Variants in ABCA1 observed in about 807,000 individuals in gnomAD.
ABCA1 encodes the protein phospholipid-transporting ATPase ABCA1.
A neutral mutation model predicts 262.5 loss-of-function variants in ABCA1; 133 were observed. That is an observed-to-expected ratio of 0.51 (90% confidence interval 0.44 to 0.59). The LOEUF (loss-of-function observed/expected upper bound fraction) is 0.59. Ranked by LOEUF, ABCA1 falls within the 20% of genes least tolerant of loss-of-function variation. The pLI, the probability that ABCA1 is intolerant of heterozygous loss-of-function variation, is 0.00. For synonymous variants in ABCA1, 1,022 were observed against 1,043.5 expected, an observed-to-expected ratio of 0.98 and a Z score of 0.40; for missense variants, 2,452 against 2,777.5, an observed-to-expected ratio of 0.88 and a Z score of 2.63.
intron 44 of ABCA1, 49 bp downstream of exon 44, chr9:104,790,873 A>G (rs372344587): frequency 1.9e-5 from 25 of 1,282,704 alleles, no homozygotes; most frequent in Non-Finnish European, 2.8e-5. Context: ...CTTTAAATAA[A>G]TTAAAAACAA....
intron 7 of ABCA1, among the ~76,000 whole-genome samples, chr9:104,854,978 G>A (rs1479128386): frequency 6.6e-6 from 1 of 152,158 alleles, no homozygotes; most frequent in Non-Finnish European, 1.5e-5. Flanking sequence ...AACACCTAAT[G>A]GAAACTGCTC....
At chr9:104,851,358 G>A (rs543037171) in intron 7 of ABCA1, among the ~76,000 whole-genome samples, 2 of 152,222 alleles carry the variant, frequency 1.3e-5, no homozygotes, top group South Asian at 4.1e-4. Context: ...ACCTGCCTCA[G>A]CCGACCTTTG....
chr9:104,820,183 A>G (rs1422918093), intron 20 of ABCA1, 114 bp from the exon 21 acceptor site: 2 of 1,330,282 alleles, frequency 1.5e-6, no homozygotes, highest in East Asian at 4.7e-5. Context: ...GTGCTTTTTA[A>G]AATAACTTTA....
intron 24 of ABCA1, among the ~76,000 whole-genome samples, chr9:104,816,785 G>T (rs1310174753): frequency 6.6e-6 from 1 of 152,104 alleles, no homozygotes; most frequent in African/African-American, 2.4e-5. Flanking sequence ...TTATAAAGTA[G>T]GTTCCCTCAT....
intron 7 of ABCA1, among the ~76,000 whole-genome samples, chr9:104,847,837 T>C (rs1176618908): frequency 6.6e-6 from 1 of 152,250 alleles, no homozygotes; most frequent in Non-Finnish European, 1.5e-5. Context: ...ACTAAGTGGA[T>C]GAAATATACA....
intron 10 of ABCA1, 48 bp downstream of exon 10, chr9:104,837,380 G>GTTCTGGGGAGA: frequency 1.2e-6 from 2 of 1,613,274 alleles, no homozygotes; most frequent in Non-Finnish European, 1.7e-6. Context: ...TTTGCCCCCA[G>GTTCTGGGGAGA]TTCTGGGGAG....
rs1480322697 is a variant in ABCA1, at chr9:104,831,043, C to A, written c.1774G>T (p.Gly592Cys). Residue 592 changes from glycine to cysteine, a missense_variant, in exon 14 of 50, where the codon GGC becomes TGC. Gly to Cys is a radical substitution (Grantham distance 159). This residue lies in a region of ABCA1 where 1,032 missense variants were observed against 1,089.7 expected (regional missense o/e 0.95). Transcript: ENST00000374736. ...PFEDMRYVWGGFAYLQDVVEQ... is the reference protein window; with the variant it reads ...PFEDMRYVWGCFAYLQDVVEQ... The stretch of plus-strand genomic sequence containing the variant: ...ACCACATCCTGCAAGTAGGCGAAGC[C>A]CCCCCAGACGTACCGCATGTCCTCA... 6.8e-6 allele frequency: 11 copies of A among 1,613,492 alleles called. No homozygotes were observed. Among genetic ancestry groups the A allele is most frequent in the East Asian group, 4.5e-5 (2 of 44,852 alleles).
chr9:104,806,561 C>T (rs1830785116), intron 30 of ABCA1, 131 bp from the exon 31 acceptor site: 2 of 887,644 alleles, frequency 2.3e-6, no homozygotes, highest in Non-Finnish European at 3.6e-6. Flanking sequence ...AAAAGACAAG[C>T]ATGATCTCAT....
At position 104,814,099 on chromosome 9, in the gene ABCA1, T is replaced by C. The variant is rs918862042; in HGVS notation, c.3901+19A>G. On this transcript the variant is annotated intron_variant, in intron 27 of 49. Transcript: ENST00000374736. ...CACATTCAAACAGTAGGACACTGTT[T>C]GATCTTGCCCTAACAGACCTGGGTC... 2 of 1,609,408 alleles carry C rather than the reference T, an allele frequency of 1.2e-6. No homozygotes were observed. Among genetic ancestry groups the C allele is most frequent in the Non-Finnish European group, 1.7e-6 (2 of 1,176,232 alleles).
intron 9 of ABCA1, among the ~76,000 whole-genome samples, chr9:104,839,520 C>A (rs6479283): frequency 2.8e-5 from 4 of 142,490 alleles, no homozygotes; most frequent in Non-Finnish European, 6.1e-5. Flanking sequence ...AATGTTAGTT[C>A]TTTGTTGTTG....
chr9:104,861,309 T>C (rs1047768084), intron 6 of ABCA1: 3 of 365,536 alleles, frequency 8.2e-6, no homozygotes, highest in South Asian at 3.7e-5. Flanking sequence ...CTCAATTTTT[T>C]AGACAGAGCT....
At position 104,785,450 on chromosome 9, in the gene ABCA1, GC is replaced by G. The variant is rs2118833675; in HGVS notation, c.6590del (p.Ser2197ThrfsTer7). On this transcript the variant is annotated frameshift_variant, in exon 49 of 50. Coordinates refer to ENST00000374736, the MANE Select transcript of ABCA1 (RefSeq NM_005502.4). LOFTEE classifies it high-confidence loss of function. ...LARIFSILSQ[S>X]KKRLHIEDYS... ...AGTCTTCTATGTGGAGTCGCTTTTT[GC>G]TCTGGGAGAGGATGCTGAATATCCT... is the stretch of plus-strand genomic sequence containing the variant. 22 of 1,107,914 alleles carry G rather than the reference GC, an allele frequency of 2.0e-5. No individual in the cohort carries two copies. Among genetic ancestry groups the G allele is most frequent in the Middle Eastern group, 2.1e-4 (1 of 4,662 alleles). The allele number at this position is 1,107,914 out of a possible 1,614,324, so 68.6% of individuals were successfully genotyped here.
At chr9:104,851,039 A>C (rs191349122) in intron 7 of ABCA1, among the ~76,000 whole-genome samples, 1 of 152,332 alleles carries the variant, frequency 6.6e-6, no homozygotes, top group East Asian at 1.9e-4. Flanking sequence ...TTATTATTCA[A>C]AAGCTCCCAC....
chr9:104,791,834 C>T, intron 43 of ABCA1, 102 bp downstream of exon 43: 1 of 1,198,818 alleles, frequency 8.3e-7, no homozygotes, highest in Non-Finnish European at 1.2e-6. Flanking sequence ...ATACAGAAGC[C>T]TTTAAAATCC....
chr9:104,921,594 T>A (rs1842143114), intron 1 of ABCA1, among the ~76,000 whole-genome samples: 1 of 152,184 alleles, frequency 6.6e-6, no homozygotes, highest in Non-Finnish European at 1.5e-5. Flanking sequence ...GCACTAAAAT[T>A]TCTCAGTCTA....
In ABCA1 at chr9:104,814,193, C is replaced by T. The variant is rs755256833; in HGVS notation, c.3826G>A (p.Gly1276Arg). ...LPARRNRRAF[G>R]DKQSCLRPFT... ...GGGCGAAGACAGCTCTGCTTGTCCC[C>T]GAAGGCCCGCCTGTTTCGTCTTGCT... The change falls in exon 27 of 50, where the codon GGG (glycine) becomes AGG (arginine). Residue 1276 changes from glycine to arginine, a missense_variant. Physicochemically the swap from Gly to Arg is moderately radical, Grantham distance 125. Around this residue, in one of 4 missense-constraint regions of ABCA1, gnomAD observed 665 missense variants for 727.3 expected, o/e 0.91. Coordinates refer to ENST00000374736, the MANE Select transcript of ABCA1 (RefSeq NM_005502.4). 22 of 1,614,088 alleles carry T rather than the reference C, an allele frequency of 1.4e-5. No individual in the cohort carries two copies. The highest frequency in any genetic ancestry group is 8.3e-5 in the Admixed American group (5 of 60,000).
chr9:104,799,577 A>T, intron 36 of ABCA1: 3 of 985,124 alleles, frequency 3.0e-6, no homozygotes, highest in Non-Finnish European at 3.6e-6. Context: ...CTCACTTTAT[A>T]TGAATTCACT....
chr9:104,831,046 C>T lies in ABCA1; in HGVS notation c.1771G>A (p.Gly591Arg). The T allele has an allele frequency of 6.2e-7, 1 of 1,613,750 alleles. No individual in the cohort carries two copies. The highest frequency in any genetic ancestry group is 8.5e-7 in the Non-Finnish European group (1 of 1,179,958). ...ACATCCTGCAAGTAGGCGAAGCCCC[C>T]CCAGACGTACCGCATGTCCTCAAAG... is the stretch of plus-strand genomic sequence containing the variant. ...DPFEDMRYVW[G>R]GFAYLQDVVE... Residue 591 changes from glycine to arginine, a missense_variant, in exon 14 of 50, where the codon GGG becomes AGG. Transcript: ENST00000374736.
At position 104,812,556 on chromosome 9, in the gene ABCA1, GA is replaced by G. The variant is rs1374005367; in HGVS notation, c.4050+17del. The G allele has an allele frequency of 6.2e-7, 1 of 1,613,900 alleles. No individual in the cohort carries two copies. The highest frequency in any genetic ancestry group is 8.5e-7 in the Non-Finnish European group (1 of 1,180,002). On this transcript the variant is annotated intron_variant, in intron 28 of 49. Coordinates refer to ENST00000374736, the MANE Select transcript of ABCA1 (RefSeq NM_005502.4). Reference sequence around the variant, plus strand: ...CACCCATGAAGCCAGAGTCTCTGGCGAAAACAGCACGTCTCACCTGAGCAAA... The same window carrying G: ...CACCCATGAAGCCAGAGTCTCTGGCGAAACAGCACGTCTCACCTGAGCAAA...
Sources: allele counts gnomAD v4.1 joint callset (sites outside exome capture counted in the v4.1 genomes callset), GRCh38; gene constraint gnomAD v4.1.1; regional missense constraint gnomAD v4.1.1; transcripts MANE v1.5; gene names NCBI Gene and HGNC (gene_info 2026-07-23, HGNC 2026-07-21).